Variants in CCN5 observed in about 807,000 individuals in gnomAD.
CCN5 encodes CCN family member 5.
Under a neutral mutation model 18.7 loss-of-function variants are expected in CCN5, and 17 were observed. The ratio of observed to expected loss-of-function variants is 0.91; its 90% confidence interval spans 0.62 to 1.36. The LOEUF is 1.36. Among genes scored for constraint, CCN5 ranks in the 40% most tolerant of loss-of-function variants. CCN5 has a pLI of 0.00. For missense variants in CCN5, 367 were observed against 342.9 expected (o/e 1.07, Z -0.56); for synonymous variants, 135 against 145.2 (o/e 0.93, Z 0.50).
Position 44,719,958 on chromosome 20 carries a change from T to C in CCN5, c.122T>C (p.Leu41Pro). The C allele has an allele frequency of 6.2e-7, 1 of 1,613,872 alleles. No homozygotes were observed. The highest frequency in any genetic ancestry group is 8.5e-7 in the Non-Finnish European group (1 of 1,179,928). Residue 41 changes from leucine to proline, a missense_variant, in exon 2 of 4, where the codon CTG becomes CCG. Physicochemically the swap from Leu to Pro is moderately conservative, Grantham distance 98. Coordinates refer to ENST00000190983, the MANE Select transcript of CCN5 (RefSeq NM_003881.4). ...CCCTGGCCACCTCCCCGATGCCCGC[T>C]GGGAGTACCCCTGGTGCTGGATGGC... is the stretch of plus-strand genomic sequence containing the variant. ...TCPWPPPRCP[L>P]GVPLVLDGCG...
intron 1 of CCN5, 90 bp from the exon 2 acceptor site, chr20:44,719,807 C>A: frequency 1.4e-6 from 2 of 1,394,336 alleles, no homozygotes; most frequent in Non-Finnish European, 2.0e-6. Context: ...GGACACCACA[C>A]TACCCAGCCT....
chr20:44,719,178 G>A (rs1025472623), intron 1 of CCN5, among the ~76,000 whole-genome samples: 8 of 152,180 alleles, frequency 5.3e-5, no homozygotes, highest in South Asian at 2.1e-4. Context: ...TAACAACAAG[G>A]ATCATCAAAG....
upstream of CCN5, chr20:44,715,355 C>T (rs779425742): frequency 6.3e-7 from 1 of 1,577,666 alleles, no homozygotes; most frequent in Non-Finnish European, 8.6e-7. Context: ...ACTCACAGGT[C>T]CGCCTCCCAG....
chr20:44,716,746 C>T (rs1045092172), intron 1 of CCN5: 3 of 152,298 alleles, frequency 2.0e-5, no homozygotes, highest in African/African-American at 7.2e-5. Context: ...CCAGGCTGGC[C>T]GTTGGCTCCG....
chr20:44,720,634 A>G, intron 2 of CCN5: 1 of 164,690 alleles, frequency 6.1e-6, no homozygotes, highest in Non-Finnish European at 1.3e-5. Flanking sequence ...GACATGCTTC[A>G]TGTCACACGG....
chr20:44,721,104 C>G (rs997875321), intron 2 of CCN5: 1 of 151,954 alleles, frequency 6.6e-6, no homozygotes. Flanking sequence ...AACAATTTGC[C>G]TCTTTCATCT....
chr20:44,722,437 C>T (rs1276181420), intron 2 of CCN5, among the ~76,000 whole-genome samples: 2 of 148,648 alleles, frequency 1.3e-5, no homozygotes, highest in Non-Finnish European at 3.0e-5. Flanking sequence ...ACCTGGGAGT[C>T]GTTCTAGAGG....
chr20:44,719,107 C>A (rs530305944), intron 1 of CCN5, among the ~76,000 whole-genome samples: 1 of 152,302 alleles, frequency 6.6e-6, no homozygotes, highest in East Asian at 1.9e-4. Context: ...TCATCCTTGA[C>A]TTGTTGCTTT....
At chr20:44,714,956 G>A (rs750539069), upstream of CCN5, 12 of 168,864 alleles carry the variant, frequency 7.1e-5, no homozygotes, top group Non-Finnish European at 1.3e-4. Flanking sequence ...GCTGGGGTTC[G>A]GACAGGGGGT....
chr20:44,719,293 G>C lies in CCN5; in HGVS notation c.61-604G>C, dbSNP rs563689806. 6.3e-4 allele frequency among the ~76,000 whole-genome samples: 96 copies of C among 152,298 alleles called. 1 individual carries two copies. Among genetic ancestry groups the C allele is most frequent in the African/African-American group, 2.3e-3 (94 of 41,558 alleles). On this transcript the variant is annotated intron_variant, in intron 1 of 3. Transcript: ENST00000190983. ...CAATCCTCTGAGTTAGATACTTTGA[G>C]GAAACTGAGGCTCAGAATGCTTAAG...
intron 1 of CCN5, among the ~76,000 whole-genome samples, chr20:44,719,543 A>G (rs1337400194): frequency 1.3e-5 from 2 of 152,160 alleles, no homozygotes; most frequent in Non-Finnish European, 2.9e-5. Context: ...AGTCCCAGCT[A>G]CTCGGGAGGC....
chr20:44,727,337 C>A lies in CCN5; in HGVS notation c.*30C>A. ...GGGCTGGGAATGGGGACACGGTGTC[C>A]ACCATCCCCAGCTGGTGGCCCTGTG... On this transcript the variant is annotated 3_prime_UTR_variant, in exon 4 of 4. Coordinates refer to ENST00000190983, the MANE Select transcript of CCN5 (RefSeq NM_003881.4). The A allele has an allele frequency of 6.3e-7, 1 of 1,581,642 alleles. No homozygotes were observed. The highest frequency in any genetic ancestry group is 8.6e-7 in the Non-Finnish European group (1 of 1,161,062).
At chr20:44,726,198 G>A (rs1374108790) in intron 3 of CCN5, among the ~76,000 whole-genome samples, 5 of 152,168 alleles carry the variant, frequency 3.3e-5, no homozygotes, top group East Asian at 1.9e-4. Context: ...AGAGGTAGCC[G>A]TTATTATCCC....
At chr20:44,724,586 G>A (rs1278152857) in intron 2 of CCN5, 152 bp from the exon 3 acceptor site, 2 of 1,228,800 alleles carry the variant, frequency 1.6e-6, no homozygotes, top group Non-Finnish European at 2.2e-6. Flanking sequence ...CTGGTGGAGG[G>A]CTGGGGAGAG....
intron 1 of CCN5, among the ~76,000 whole-genome samples, chr20:44,717,402 C>G (rs929176578): frequency 2.6e-5 from 4 of 152,158 alleles, no homozygotes; most frequent in Admixed American, 6.5e-5. Flanking sequence ...ACAGTGGGAG[C>G]CAAGGTGCAC....
intron 1 of CCN5, among the ~76,000 whole-genome samples, chr20:44,718,147 A>C (rs532314641): frequency 3.1e-4 from 47 of 152,232 alleles, no homozygotes; most frequent in Admixed American, 2.4e-3. Context: ...TCTGCTACTC[A>C]GTGCTGTCTC....
At chr20:44,724,344 C>A (rs1039142230) in intron 2 of CCN5, 1 of 223,704 alleles carries the variant, frequency 4.5e-6, no homozygotes, top group Non-Finnish European at 8.7e-6. Flanking sequence ...TAGCTAGGAC[C>A]TATGGAAGGT....
chr20:44,727,271 C>A lies in CCN5; in HGVS notation c.717C>A (p.Pro239=). Residue 239 remains proline, a synonymous_variant, in exon 4 of 4, where the codon CCC becomes CCA. Transcript: ENST00000190983. ...RRLCLSRPCP[P]SRGRSPQNSA... ...TGTGCCTGTCCAGGCCCTGCCCACC[C>A]TCCAGGGGTCGCAGTCCACAAAACA... The A allele has an allele frequency of 6.2e-7, 1 of 1,613,396 alleles. No individual in the cohort carries two copies. Among genetic ancestry groups the A allele is most frequent in the Non-Finnish European group, 8.5e-7 (1 of 1,179,760 alleles).
At chr20:44,715,233 G>GTC, upstream of CCN5, 1 of 505,770 alleles carries the variant, frequency 2.0e-6, no homozygotes, top group Non-Finnish European at 3.5e-6. Context: ...GTGTGTTTGT[G>GTC]TGTGTGTGTG....
Sources: gnomAD v4.1 joint callset for allele counts (sites outside exome capture counted in the v4.1 genomes callset) on GRCh38, gnomAD v4.1.1 for gene constraint, MANE v1.5 for transcripts, NCBI Gene and HGNC (gene_info 2026-07-23, HGNC 2026-07-21) for gene names.